The following TASP1 variants were observed in gnomAD, a reference collection of about 807,000 sequenced individuals.
The protein encoded by TASP1 is threonine aspartase 1.
TASP1 carries 16 observed loss-of-function variants against 56.6 expected under a neutral mutation model. That is an observed-to-expected ratio of 0.28 (90% CI 0.19 to 0.43). The LOEUF (loss-of-function observed/expected upper bound fraction) is 0.43, where lower values mean the gene tolerates loss of function less well. Ranked by LOEUF, TASP1 falls within the 20% of genes least tolerant of loss-of-function variation. The probability of loss-of-function intolerance (pLI) is 1.00; values close to 1 mark genes in which losing one functional copy is unlikely to be tolerated. For synonymous variants in TASP1, 179 were observed against 184.2 expected (o/e 0.97, Z 0.23); for missense variants, 393 against 511.6 (o/e 0.77, Z 2.24).
intron 7 of TASP1, among the ~76,000 whole-genome samples, chr20:13,562,890 A>G (rs1002803322): frequency 6.9e-6 from 1 of 144,914 alleles, no homozygotes; most frequent in African/African-American, 2.6e-5. Flanking sequence ...AAAAAAAAAA[A>G]TTATATCTCT....
At chr20:13,615,098 G>T (rs2048475543) in intron 4 of TASP1, among the ~76,000 whole-genome samples, 1 of 152,160 alleles carries the variant, frequency 6.6e-6, no homozygotes, top group Admixed American at 6.5e-5. Context: ...AGGGATACTA[G>T]TAACTTTTAA....
At chr20:13,253,213 G>C in the TASP1 span, among the ~76,000 whole-genome samples, 1 of 152,154 alleles carries the variant, frequency 6.6e-6, no homozygotes, top group Admixed American at 6.5e-5. Flanking sequence ...CAGGGTTTTT[G>C]ATCTTCTCAC....
chr20:13,617,049 T>A (rs555758115), intron 4 of TASP1: 1 of 455,756 alleles, frequency 2.2e-6, no homozygotes, highest in South Asian at 1.5e-5. Flanking sequence ...GAGGTGATTT[T>A]CTCTGCCTCT....
chr20:13,265,042 G>A, the TASP1 span, among the ~76,000 whole-genome samples: 2 of 152,146 alleles, frequency 1.3e-5, no homozygotes, highest in African/African-American at 2.4e-5. Flanking sequence ...AAGACTGTGC[G>A]TTGGGCCCGA....
chr20:13,222,460 G>A, the TASP1 span, among the ~76,000 whole-genome samples: 1 of 152,018 alleles, frequency 6.6e-6, no homozygotes, highest in Admixed American at 6.5e-5. Context: ...CTTGCTTCCA[G>A]TGTTCCTCTT....
intron 4 of TASP1, among the ~76,000 whole-genome samples, chr20:13,621,920 A>G (rs1173732021): frequency 6.6e-6 from 1 of 152,190 alleles, no homozygotes; most frequent in East Asian, 1.9e-4. Context: ...TAACAATTGA[A>G]CTAGTTAAGT....
chr20:13,625,226 C>T lies in TASP1; in HGVS notation c.172G>A (p.Ala58Thr). 6.2e-7 allele frequency: 1 copy of T among 1,611,436 alleles called. No individual in the cohort carries two copies. Among genetic ancestry groups the T allele is most frequent in the Non-Finnish European group, 8.5e-7 (1 of 1,179,114 alleles). ...AGAGYHSESK[A>T]KEYKHVCKRA... Reference sequence around the variant, plus strand: ...TTGCATACATGTTTATACTCCTTGGCTTTGGATTCAGAATGATAACCTGCA... The same window carrying T: ...TTGCATACATGTTTATACTCCTTGGTTTTGGATTCAGAATGATAACCTGCA... Residue 58 changes from alanine (A) to threonine (T), a missense_variant, in exon 3 of 14, where the codon GCC becomes ACC. Physicochemically the swap from Ala to Thr is moderately conservative, Grantham distance 58. Coordinates refer to ENST00000337743, the MANE Select transcript of TASP1 (RefSeq NM_017714.3).
At chr20:13,350,966 G>GAAAAA in the TASP1 span, among the ~76,000 whole-genome samples, 7 of 122,866 alleles carry the variant, frequency 5.7e-5, no homozygotes, top group African/African-American at 2.0e-4. Context: ...TTCCAAAAGT[G>GAAAAA]AAAAAAAAAA....
At chr20:13,307,662 G>T in the TASP1 span, among the ~76,000 whole-genome samples, 1 of 152,156 alleles carries the variant, frequency 6.6e-6, no homozygotes, top group African/African-American at 2.4e-5. Context: ...GTCTGATTTT[G>T]ACCTTCGGGT....
the TASP1 span, among the ~76,000 whole-genome samples, chr20:13,346,459 A>G: frequency 0.026 from 3,956 of 152,238 alleles, 171 homozygotes; most frequent in African/African-American, 0.089. Context: ...TCTGCACCAT[A>G]ATCTTCCCCA....
At chr20:13,191,386 C>A in the TASP1 span, among the ~76,000 whole-genome samples, 1 of 152,114 alleles carries the variant, frequency 6.6e-6, no homozygotes, top group Non-Finnish European at 1.5e-5. Context: ...AGTATATATA[C>A]ACAATAGAAT....
chr20:13,276,940 G>A, the TASP1 span, among the ~76,000 whole-genome samples: 18 of 152,206 alleles, frequency 1.2e-4, no homozygotes, highest in East Asian at 2.3e-3. Context: ...GGAAGGGTGC[G>A]GTGGATCCTA....
In TASP1 at chr20:13,630,119, T is replaced by G. The variant is rs755767374; in HGVS notation, c.-41A>C. ...TCTTCTACTGAGAAAGGGGCATACTTCCATCCAAAAGTAATTGCAGGAGAG... is the reference window on the plus strand; with the variant it reads ...TCTTCTACTGAGAAAGGGGCATACTGCCATCCAAAAGTAATTGCAGGAGAG... On this transcript the variant is annotated 5_prime_UTR_variant, in exon 2 of 14. Transcript: ENST00000337743. 3 of 1,587,498 alleles carry G rather than the reference T, an allele frequency of 1.9e-6. No homozygotes were observed. Among genetic ancestry groups the G allele is most frequent in the Non-Finnish European group, 2.6e-6 (3 of 1,170,226 alleles).
the TASP1 span, among the ~76,000 whole-genome samples, chr20:13,108,335 T>A: frequency 6.6e-6 from 1 of 152,168 alleles, no homozygotes; most frequent in Non-Finnish European, 1.5e-5. Context: ...TGTGGCAGAG[T>A]TGCAGTGTGG....
intron 6 of TASP1, among the ~76,000 whole-genome samples, chr20:13,578,164 T>C (rs1230687115): frequency 6.6e-6 from 1 of 152,180 alleles, no homozygotes; most frequent in African/African-American, 2.4e-5. Flanking sequence ...ACATTGTTGG[T>C]TTTTGTTAAT....
At chr20:13,568,361 T>C (rs2046605623) in intron 7 of TASP1, among the ~76,000 whole-genome samples, 1 of 152,136 alleles carries the variant, frequency 6.6e-6, no homozygotes, top group Non-Finnish European at 1.5e-5. Flanking sequence ...TAATCCTCAC[T>C]TTTTCATTTG....
At chr20:13,439,042 T>C (rs1168606222) in intron 11 of TASP1, among the ~76,000 whole-genome samples, 6 of 152,260 alleles carry the variant, frequency 3.9e-5, no homozygotes, top group African/African-American at 1.4e-4. Flanking sequence ...ATAGGAAGAC[T>C]TTTACACTGT....
the TASP1 span, chr20:13,126,617 C>T: frequency 5.0e-6 from 8 of 1,613,992 alleles, no homozygotes; most frequent in Admixed American, 8.3e-5. Flanking sequence ...TACGGGTTCA[C>T]TCGCATAGTG....
chr20:13,493,705 G>C (rs1043398097), intron 10 of TASP1, among the ~76,000 whole-genome samples: 2 of 152,020 alleles, frequency 1.3e-5, no homozygotes, highest in Non-Finnish European at 2.9e-5. Flanking sequence ...CTTGTAATCA[G>C]GTAAGCCAGT....
Sources: gnomAD v4.1 joint callset for allele counts (sites outside exome capture counted in the v4.1 genomes callset) on GRCh38, gnomAD v4.1.1 for gene constraint, MANE v1.5 for transcripts, NCBI Gene and HGNC (gene_info 2026-07-23, HGNC 2026-07-21) for gene names.